The following CSMD1 variants were observed in gnomAD, a reference collection of about 807,000 sequenced individuals.
The protein encoded by CSMD1 is CUB and sushi domain-containing protein 1.
In CSMD1, 213 loss-of-function variants were observed where a neutral mutation model predicts 417.5. That is an observed-to-expected ratio of 0.51 (90% CI 0.46 to 0.57). The LOEUF (loss-of-function observed/expected upper bound fraction) is 0.57, where lower values mean the gene tolerates loss of function less well. Ranked by LOEUF, CSMD1 falls within the 20% of genes least tolerant of loss-of-function variation. The pLI is 0.00. For missense variants in CSMD1, 6,923 were observed against 4,529.7 expected, an observed-to-expected ratio of 1.53 and a Z score of -15.17; for synonymous variants, 2,862 against 1,736.8, an observed-to-expected ratio of 1.65 and a Z score of -16.11.
intron 25 of CSMD1, among the ~76,000 whole-genome samples, chr8:3,289,387 C>G (rs1385592479): frequency 6.8e-6 from 1 of 147,380 alleles, no homozygotes; most frequent in Admixed American, 6.7e-5. Flanking sequence ...TTCTAGATCC[C>G]TGAGGAATCG....
At chr8:4,288,973 G>A (rs149964219) in intron 3 of CSMD1, among the ~76,000 whole-genome samples, 77 of 152,092 alleles carry the variant, frequency 5.1e-4, no homozygotes, top group African/African-American at 1.6e-3. Flanking sequence ...ATGGTGATAC[G>A]TGCATAAAAA....
chr8:3,189,030 T>A lies in CSMD1; in HGVS notation c.5399-19A>T. The A allele has an allele frequency of 1.2e-6, 2 of 1,604,104 alleles. No individual in the cohort carries two copies. The highest frequency in any genetic ancestry group is 2.7e-5 in the African/African-American group (2 of 74,808). On this transcript the variant is annotated intron_variant, in intron 34 of 69. Transcript: ENST00000635120. ...CAGGGTACTAAAAGACACAACCATA[T>A]GTCATGAAATAAAGTGCTGTGGGAC...
intron 25 of CSMD1, among the ~76,000 whole-genome samples, chr8:3,286,136 TC>T (rs1185740636): frequency 1.3e-5 from 2 of 152,150 alleles, no homozygotes; most frequent in Non-Finnish European, 2.9e-5. Flanking sequence ...TTCATCCATG[TC>T]CCTACAAAGG....
intron 12 of CSMD1, among the ~76,000 whole-genome samples, chr8:3,458,237 A>G (rs1816282021): frequency 1.3e-5 from 2 of 152,136 alleles, no homozygotes; most frequent in Non-Finnish European, 2.9e-5. Flanking sequence ...TGGAATTTAA[A>G]TGTCAAATTT....
At chr8:4,354,038 C>G (rs1433754547) in intron 3 of CSMD1, among the ~76,000 whole-genome samples, 1 of 152,316 alleles carries the variant, frequency 6.6e-6, no homozygotes, top group Admixed American at 6.5e-5. Flanking sequence ...CCTCTCCATA[C>G]CAGTGTCTAT....
In CSMD1 at chr8:3,950,557, G is replaced by A. The variant is rs573423266; in HGVS notation, c.818+47346C>T. ...AGCATGACAGAGCCTCAATACAAGC[G>A]TTCCGCTTGCCCATAGCAATATTGC... On this transcript the variant is annotated intron_variant, in intron 5 of 69. Coordinates refer to ENST00000635120, the MANE Select transcript of CSMD1 (RefSeq NM_033225.6). Among the ~76,000 whole-genome samples, 69 of 152,326 alleles carry A rather than the reference G, an allele frequency of 4.5e-4. 1 individual carries two copies. The highest frequency in any genetic ancestry group is 2.9e-3 in the South Asian group (14 of 4,824).
At chr8:4,518,013 T>G (rs1006545645) in intron 2 of CSMD1, among the ~76,000 whole-genome samples, 1 of 152,180 alleles carries the variant, frequency 6.6e-6, no homozygotes, top group African/African-American at 2.4e-5. Flanking sequence ...AATTGATACA[T>G]AAGCTGTTTA....
At chr8:4,080,187 G>A (rs1413652609) in intron 3 of CSMD1, among the ~76,000 whole-genome samples, 4 of 151,908 alleles carry the variant, frequency 2.6e-5, no homozygotes, top group Non-Finnish European at 5.9e-5. Context: ...CTTTACTTGG[G>A]TTCATTCTAG....
At position 4,157,401 on chromosome 8, in the gene CSMD1, A is replaced by G. The variant is rs534877029; in HGVS notation, c.416-125302T>C. 2.0e-5 allele frequency among the ~76,000 whole-genome samples: 3 copies of G among 152,194 alleles called. No individual in the cohort carries two copies. In the South Asian group the frequency reaches 6.2e-4, roughly 32 times the overall value. ...CACGCCAGCTCAAAGGTTGAATTGA[A>G]AATTTTCTATTTTCGTCCTTTTTCT... is the stretch of plus-strand genomic sequence containing the variant. On this transcript the variant is annotated intron_variant, in intron 3 of 69. Coordinates refer to ENST00000635120, the MANE Select transcript of CSMD1 (RefSeq NM_033225.6).
intron 2 of CSMD1, among the ~76,000 whole-genome samples, chr8:4,615,942 T>A (rs1801449897): frequency 6.6e-6 from 1 of 152,200 alleles, no homozygotes; most frequent in South Asian, 2.1e-4. Context: ...AAACTTAGAT[T>A]AAGAATCTAG....
At chr8:3,478,700 G>C (rs1003023393) in intron 11 of CSMD1, among the ~76,000 whole-genome samples, 1 of 152,096 alleles carries the variant, frequency 6.6e-6, no homozygotes, top group Non-Finnish European at 1.5e-5. Context: ...CTGACTACCA[G>C]ACTACGCAGC....
chr8:3,847,498 C>A (rs190730388), intron 5 of CSMD1, among the ~76,000 whole-genome samples: 2 of 152,186 alleles, frequency 1.3e-5, no homozygotes, highest in East Asian at 3.9e-4. Flanking sequence ...CCGCCAACAT[C>A]AATATGAGTA....
intron 3 of CSMD1, among the ~76,000 whole-genome samples, chr8:4,057,790 A>T (rs7464829): frequency 0.9 from 136,848 of 152,116 alleles, 61,686 homozygotes; most frequent in Middle Eastern, 0.95. Context: ...ATAAATAGGG[A>T]CTCCTTTCCC....
rs1216158998 is a variant in CSMD1, at chr8:4,519,030, C to G, written c.303-98965G>C. Among the ~76,000 whole-genome samples the G allele has an allele frequency of 2.0e-5, 3 of 152,146 alleles. No individual in the cohort carries two copies. In the East Asian group the frequency reaches 5.8e-4, roughly 29 times the overall value. ...TATAATTTCTTTTTACCCAAACACT[C>G]CTTATGGCTAGTTTTTTCACATCTT... On this transcript the variant is annotated intron_variant, in intron 2 of 69. Coordinates refer to ENST00000635120, the MANE Select transcript of CSMD1 (RefSeq NM_033225.6).
At chr8:3,934,628 T>C (rs1584992863) in intron 5 of CSMD1, among the ~76,000 whole-genome samples, 1 of 151,848 alleles carries the variant, frequency 6.6e-6, no homozygotes, top group Non-Finnish European at 1.5e-5. Context: ...GCCAAGGAGG[T>C]AGATCACCTC....
At chr8:3,900,401 G>A (rs1348859112) in intron 5 of CSMD1, among the ~76,000 whole-genome samples, 1 of 151,672 alleles carries the variant, frequency 6.6e-6, no homozygotes, top group East Asian at 1.9e-4. Context: ...CAGTATAGGT[G>A]GGTGACAGGG....
rs145173244 is a variant in CSMD1, at chr8:4,775,336, G to A, written c.86-137778C>T. On this transcript the variant is annotated intron_variant, in intron 1 of 69. Coordinates refer to ENST00000635120, the MANE Select transcript of CSMD1 (RefSeq NM_033225.6). ...AGGTGATATGTAGCAGTGAATAGAT[G>A]GAAGGAACACTACGAATTTTTATAG... Among the ~76,000 whole-genome samples the A allele has an allele frequency of 4.1e-3, 619 of 152,228 alleles. 5 individuals carry two copies. Among genetic ancestry groups the A allele is most frequent in the African/African-American group, 0.014 (589 of 41,548 alleles).
At chr8:3,713,174 A>G (rs893317490) in intron 6 of CSMD1, among the ~76,000 whole-genome samples, 1 of 152,192 alleles carries the variant, frequency 6.6e-6, no homozygotes, top group Non-Finnish European at 1.5e-5. Context: ...ACCACAATAA[A>G]TATACCTAAG....
chr8:4,613,194 C>A (rs925578852), intron 2 of CSMD1, among the ~76,000 whole-genome samples: 2 of 152,060 alleles, frequency 1.3e-5, no homozygotes, highest in Admixed American at 6.6e-5. Flanking sequence ...AAATAATGTC[C>A]AGTTGGTAAG....
Sources: gnomAD v4.1 joint callset for allele counts (sites outside exome capture counted in the v4.1 genomes callset) on GRCh38, gnomAD v4.1.1 for gene constraint, MANE v1.5 for transcripts, NCBI Gene and HGNC (gene_info 2026-07-23, HGNC 2026-07-21) for gene names.